The following ARAP2 variants were observed in gnomAD, a reference collection of about 807,000 sequenced individuals.
ARAP2 encodes ArfGAP with RhoGAP domain, ankyrin repeat and PH domain 2, also known as arf-GAP with Rho-GAP domain, ANK repeat and PH domain-containing protein 2.
In ARAP2, 148 loss-of-function variants were observed where a neutral mutation model predicts 194.5. That is an observed-to-expected ratio of 0.76 (90% CI 0.67 to 0.87). ARAP2 has a LOEUF of 0.87. Among genes scored for constraint, ARAP2 ranks in the 40% least tolerant of loss-of-function variants. The pLI, the probability that ARAP2 is intolerant of heterozygous loss-of-function variation, is 0.00. For missense variants in ARAP2, 2,128 were observed against 1,989.7 expected, an observed-to-expected ratio of 1.07 and a Z score of -1.32; for synonymous variants, 695 against 683.5, an observed-to-expected ratio of 1.02 and a Z score of -0.26.
intron 2 of ARAP2, among the ~76,000 whole-genome samples, chr4:36,052,567 C>T (rs1462940349): frequency 1.3e-5 from 2 of 152,158 alleles, no homozygotes; most frequent in Admixed American, 6.5e-5. Flanking sequence ...TCTAATGCTG[C>T]GTTATTTTCT....
chr4:36,120,734 A>G (rs1722476580), intron 23 of ARAP2, among the ~76,000 whole-genome samples: 1 of 151,732 alleles, frequency 6.6e-6, no homozygotes, highest in Non-Finnish European at 1.5e-5. Context: ...ACTTAGTAAA[A>G]CACCATAGAA....
chr4:36,194,975 T>TGGCAAAACCCTGTCTC (rs1742756268), intron 6 of ARAP2, among the ~76,000 whole-genome samples: 3 of 151,462 alleles, frequency 2.0e-5, no homozygotes, highest in African/African-American at 7.3e-5. Flanking sequence ...CTGGGCAACA[T>TGGCAAAACCCTGTCTC]GGCAAAACCC....
chr4:36,055,088 T>G (rs369364020), intron 2 of ARAP2, among the ~76,000 whole-genome samples: 1 of 152,244 alleles, frequency 6.6e-6, no homozygotes, highest in Non-Finnish European at 1.5e-5. Context: ...CTGATATAAA[T>G]GATTTAAACA....
At chr4:36,233,798 C>T (rs973404024) in intron 1 of ARAP2, among the ~76,000 whole-genome samples, 21 of 152,210 alleles carry the variant, frequency 1.4e-4, no homozygotes, top group African/African-American at 4.8e-4. Flanking sequence ...ATTATTTTCA[C>T]CACTATAGTC....
intron 6 of ARAP2, among the ~76,000 whole-genome samples, chr4:36,208,239 T>C (rs116275495): frequency 0.014 from 2,069 of 152,262 alleles, 43 homozygotes; most frequent in African/African-American, 0.04. Flanking sequence ...CATGTTACTC[T>C]TGGGGAAAGA....
intron 27 of ARAP2, among the ~76,000 whole-genome samples, chr4:36,103,857 A>G (rs1162442678): frequency 3.3e-5 from 5 of 151,924 alleles, no homozygotes; most frequent in Non-Finnish European, 7.4e-5. Flanking sequence ...AGATAAAGAA[A>G]GAAAATTGAG....
intron 30 of ARAP2, among the ~76,000 whole-genome samples, chr4:36,080,743 T>G (rs1560385650): frequency 6.6e-6 from 1 of 152,108 alleles, no homozygotes; most frequent in Non-Finnish European, 1.5e-5. Context: ...TCATAAAAAA[T>G]GAAACTACAT....
At chr4:36,118,511 T>C (rs917698201) in intron 24 of ARAP2, among the ~76,000 whole-genome samples, 1 of 151,394 alleles carries the variant, frequency 6.6e-6, no homozygotes, top group African/African-American at 2.4e-5. Context: ...CTATTATTTT[T>C]ACTTACATAT....
intron 5 of ARAP2, among the ~76,000 whole-genome samples, chr4:36,043,883 G>C (rs1292980920): frequency 1.4e-5 from 2 of 143,262 alleles, no homozygotes; most frequent in Non-Finnish European, 3.1e-5. Context: ...GGGAAAAAGG[G>C]AAAGGAAAAA....
At chr4:36,105,073 T>A in intron 27 of ARAP2, among the ~76,000 whole-genome samples, 2 of 151,962 alleles carry the variant, frequency 1.3e-5, no homozygotes, top group South Asian at 4.1e-4. Context: ...GAATATTTCA[T>A]CCTTGGGAGG....
intron 4 of ARAP2, among the ~76,000 whole-genome samples, chr4:36,212,962 T>C (rs955484826): frequency 3.3e-5 from 5 of 152,194 alleles, no homozygotes; most frequent in African/African-American, 9.6e-5. Flanking sequence ...GCTTAAGTTT[T>C]ATACAGTTTG....
At chr4:36,008,622 G>A (rs572919672) in intron 9 of ARAP2, among the ~76,000 whole-genome samples, 1 of 151,922 alleles carries the variant, frequency 6.6e-6, no homozygotes, top group Non-Finnish European at 1.5e-5. Flanking sequence ...ACCCTTCTCA[G>A]TATCAGCCTC....
chr4:36,096,049 T>C (rs1031292350), intron 27 of ARAP2, among the ~76,000 whole-genome samples: 1 of 151,958 alleles, frequency 6.6e-6, no homozygotes, highest in Non-Finnish European at 1.5e-5. Flanking sequence ...CTAAAATTTA[T>C]AAAATAAAAA....
intron 6 of ARAP2, among the ~76,000 whole-genome samples, chr4:36,017,563 G>GGAAAAAAAAAAAAAA (rs1560270898): frequency 1.5e-4 from 1 of 6,522 alleles, no homozygotes; most frequent in Non-Finnish European, 2.4e-4. Flanking sequence ...TAAGAAAGTG[G>GGAAAAAAAAAAAAAA]TAAAAAAAAA....
chr4:36,144,830 G>C (rs1360780976), intron 19 of ARAP2, among the ~76,000 whole-genome samples: 1 of 151,748 alleles, frequency 6.6e-6, no homozygotes, highest in Non-Finnish European at 1.5e-5. Context: ...TGCCACCCCT[G>C]AGACAGCATG....
chr4:36,140,371 C>G (rs946670549), intron 19 of ARAP2, among the ~76,000 whole-genome samples: 2 of 151,712 alleles, frequency 1.3e-5, no homozygotes, highest in African/African-American at 4.8e-5. Flanking sequence ...TTTTCTTTAA[C>G]ATAAAATCAC....
At chr4:36,159,067 G>A (rs1415322542) in intron 14 of ARAP2, among the ~76,000 whole-genome samples, 1 of 151,962 alleles carries the variant, frequency 6.6e-6, no homozygotes, top group East Asian at 1.9e-4. Context: ...TATGAAAATC[G>A]GATTTAATGT....
chr4:36,031,665 TC>T (rs1718972827), intron 5 of ARAP2, among the ~76,000 whole-genome samples: 1 of 53,274 alleles, frequency 1.9e-5, no homozygotes, highest in South Asian at 8.4e-4. Flanking sequence ...GGATTTAAAA[TC>T]TTTTTTTTTT....
chr4:36,191,617 A>G (rs559097638), intron 7 of ARAP2, among the ~76,000 whole-genome samples: 1 of 152,068 alleles, frequency 6.6e-6, no homozygotes, highest in East Asian at 1.9e-4. Context: ...AAGACAATAA[A>G]GAAAAAAATA....
Sources: gnomAD v4.1 joint callset for allele counts (sites outside exome capture counted in the v4.1 genomes callset) on GRCh38, gnomAD v4.1.1 for gene constraint, MANE v1.5 for transcripts, NCBI Gene and HGNC (gene_info 2026-07-23, HGNC 2026-07-21) for gene names.